MFHAS1: variants seen among roughly 807,000 people sequenced by gnomAD.
MFHAS1 encodes the protein multifunctional ROCO family signaling regulator 1, also known as malignant fibrous histiocytoma-amplified sequence 1.
MFHAS1 carries 50 observed loss-of-function variants against 70.4 expected under a neutral mutation model. The ratio of observed to expected loss-of-function variants is 0.71; its 90% confidence interval spans 0.57 to 0.90. The LOEUF (loss-of-function observed/expected upper bound fraction) is 0.90. Among genes scored for constraint, MFHAS1 ranks in the 40% least tolerant of loss-of-function variants. The pLI is 0.00. For synonymous variants in MFHAS1, 952 were observed against 620.0 expected (o/e 1.54, Z -7.96); for missense variants, 1,795 against 1,347.6 (o/e 1.33, Z -5.20).
At chr8:8,876,457 G>A (rs972425883) in intron 1 of MFHAS1, among the ~76,000 whole-genome samples, 5 of 152,116 alleles carry the variant, frequency 3.3e-5, no homozygotes, top group Admixed American at 6.5e-5. Flanking sequence ...GTTGTCGGCC[G>A]GGCGTGGTGG....
chr8:8,884,156 T>C (rs1809659360), intron 1 of MFHAS1, among the ~76,000 whole-genome samples: 1 of 151,426 alleles, frequency 6.6e-6, no homozygotes, highest in South Asian at 2.1e-4. Flanking sequence ...GACTTAAGAG[T>C]CTATTCCAGG....
At chr8:8,881,125 A>G (rs1809507357) in intron 1 of MFHAS1, among the ~76,000 whole-genome samples, 1 of 152,194 alleles carries the variant, frequency 6.6e-6, no homozygotes, top group African/African-American at 2.4e-5. Flanking sequence ...CTTTGCTTCT[A>G]TAAATTTACA....
intron 1 of MFHAS1, among the ~76,000 whole-genome samples, chr8:8,812,477 T>C (rs1370843866): frequency 2.0e-5 from 3 of 152,184 alleles, no homozygotes; most frequent in Non-Finnish European, 2.9e-5. Context: ...CTGGAAACTC[T>C]CAAGACAGTA....
intron 1 of MFHAS1, among the ~76,000 whole-genome samples, chr8:8,823,161 T>A (rs1323010161): frequency 2.0e-5 from 3 of 152,228 alleles, no homozygotes; most frequent in Non-Finnish European, 2.9e-5. Flanking sequence ...GAGCTCTGAC[T>A]AGAACACAGT....
chr8:8,846,898 TACGATGAC>T (rs1411589679), intron 1 of MFHAS1, among the ~76,000 whole-genome samples: 5 of 152,164 alleles, frequency 3.3e-5, no homozygotes, highest in Admixed American at 6.5e-5. Flanking sequence ...GTGCAGTGTC[TACGATGAC>T]CTTTGATACA....
chr8:8,832,762 G>A (rs115733226), intron 1 of MFHAS1, among the ~76,000 whole-genome samples: 130 of 150,408 alleles, frequency 8.6e-4, no homozygotes, highest in African/African-American at 2.8e-3. Flanking sequence ...CTGACTCGCC[G>A]AGACTACAGG....
At chr8:8,808,575 G>A (rs935504219) in intron 1 of MFHAS1, among the ~76,000 whole-genome samples, 3 of 152,130 alleles carry the variant, frequency 2.0e-5, no homozygotes, top group African/African-American at 7.2e-5. Flanking sequence ...ATTGCATGCT[G>A]AAATTACCAG....
At chr8:8,873,871 G>C (rs906441971) in intron 1 of MFHAS1, among the ~76,000 whole-genome samples, 7 of 152,122 alleles carry the variant, frequency 4.6e-5, no homozygotes, top group African/African-American at 9.7e-5. Context: ...GTTTTATTTT[G>C]ATCAGCGGTA....
chr8:8,854,765 A>C (rs950857076), intron 1 of MFHAS1, among the ~76,000 whole-genome samples: 2 of 152,142 alleles, frequency 1.3e-5, no homozygotes, highest in African/African-American at 4.8e-5. Flanking sequence ...TACACTAAAA[A>C]TTATTCGTTG....
chr8:8,892,934 C>T lies in MFHAS1; in HGVS notation c.125G>A (p.Gly42Glu), dbSNP rs1290902083. ...GGACTCGAGCGCGTCGGCCCCGGCCCCGGGGCAGGCCCCGGCGGCGGTAAG... is the reference window on the plus strand; with the variant it reads ...GGACTCGAGCGCGTCGGCCCCGGCCTCGGGGCAGGCCCCGGCGGCGGTAAG... The part of the protein sequence containing the change: ...LTLTAAGACP[G>E]AGADALESPA... Residue 42 changes from glycine (G) to glutamate (E), a missense_variant, in exon 1 of 3, where the codon GGG becomes GAG. Coordinates refer to ENST00000276282, the MANE Select transcript of MFHAS1 (RefSeq NM_004225.3). The surrounding 1 kb of genome is among the most constrained non-coding windows in gnomAD (Gnocchi z 4.7). 28 of 1,548,288 alleles carry T rather than the reference C, an allele frequency of 1.8e-5. No homozygotes were observed. The highest frequency in any genetic ancestry group is 2.3e-5 in the Non-Finnish European group (27 of 1,150,620).
chr8:8,789,141 G>C (rs1017384371), intron 2 of MFHAS1, among the ~76,000 whole-genome samples: 2 of 151,988 alleles, frequency 1.3e-5, no homozygotes, highest in Non-Finnish European at 2.9e-5. Flanking sequence ...GTGGCTGGGG[G>C]GGTTGGGCCC....
chr8:8,825,034 G>C (rs541619684), intron 1 of MFHAS1, among the ~76,000 whole-genome samples: 2 of 152,236 alleles, frequency 1.3e-5, no homozygotes, highest in Admixed American at 6.5e-5. Flanking sequence ...AGCTAAGTCA[G>C]TGCAATCTCA....
rs535880752 is a variant in MFHAS1 at position 8,813,076 on chromosome 8, T to C, written c.2999-15585A>G. On this transcript the variant is annotated intron_variant, in intron 1 of 2. Transcript: ENST00000276282. ...ACCACTGCACCTGGCCTTCATATAA[T>C]GACTTTTCGAGCAATGGTAGACCCC... Among the ~76,000 whole-genome samples the C allele has an allele frequency of 3.9e-5, 6 of 152,304 alleles. No homozygotes were observed. In the South Asian group the frequency reaches 1.2e-3, roughly 32 times the overall value.
intron 1 of MFHAS1, among the ~76,000 whole-genome samples, chr8:8,799,216 T>C (rs1806005464): frequency 6.6e-6 from 1 of 152,200 alleles, no homozygotes; most frequent in South Asian, 2.1e-4. Flanking sequence ...ATACCTATGA[T>C]AAAGTTTAAT....
intron 1 of MFHAS1, among the ~76,000 whole-genome samples, chr8:8,832,425 T>TCACACACACACACA (rs35913215): frequency 4.2e-5 from 6 of 143,604 alleles, no homozygotes; most frequent in South Asian, 2.3e-4. Context: ...ACAAGATACT[T>TCACACACACACACA]CACACACACA....
At chr8:8,811,658 G>C (rs1278146201) in intron 1 of MFHAS1, among the ~76,000 whole-genome samples, 1 of 152,222 alleles carries the variant, frequency 6.6e-6, no homozygotes, top group Non-Finnish European at 1.5e-5. Flanking sequence ...CTGCAGGGAC[G>C]TAAGCTCCAC....
chr8:8,803,600 TA>T (rs1320094891), intron 1 of MFHAS1, among the ~76,000 whole-genome samples: 16 of 113,416 alleles, frequency 1.4e-4, no homozygotes, highest in Non-Finnish European at 2.7e-4. Flanking sequence ...CATTATTCCC[TA>T]AACAAAATAG....
At chr8:8,802,681 C>G (rs1449787164) in intron 1 of MFHAS1, among the ~76,000 whole-genome samples, 1 of 152,152 alleles carries the variant, frequency 6.6e-6, no homozygotes, top group Non-Finnish European at 1.5e-5. Flanking sequence ...CTGCCCTAGG[C>G]CAGACTGTCC....
At chr8:8,821,810 G>T (rs988703743) in intron 1 of MFHAS1, 3 of 152,204 alleles carry the variant, frequency 2.0e-5, no homozygotes, top group Non-Finnish European at 4.4e-5. Flanking sequence ...AGACAGCTGG[G>T]TTTAGTCACC....
Sources: gnomAD v4.1 joint callset for allele counts (sites outside exome capture counted in the v4.1 genomes callset) on GRCh38, gnomAD v4.1.1 for gene constraint, Gnocchi (gnomAD v3.1) non-coding constraint, MANE v1.5 for transcripts, NCBI Gene and HGNC (gene_info 2026-07-23, HGNC 2026-07-21) for gene names.